Variants in PPM1H observed in about 807,000 individuals in gnomAD.
PPM1H encodes protein phosphatase 1H.
PPM1H carries 27 observed loss-of-function variants against 54.9 expected under a neutral mutation model. That is an observed-to-expected ratio of 0.49 (90% CI 0.36 to 0.68). The LOEUF (loss-of-function observed/expected upper bound fraction) is 0.68. Among genes scored for constraint, PPM1H ranks in the 30% least tolerant of loss-of-function variants. The probability of loss-of-function intolerance (pLI) is 0.00; values close to 1 mark genes in which losing one functional copy is unlikely to be tolerated. For missense variants in PPM1H, 596 were observed against 667.8 expected, an observed-to-expected ratio of 0.89 and a Z score of 1.19; for synonymous variants, 305 against 270.8, an observed-to-expected ratio of 1.13 and a Z score of -1.24.
At chr12:62,689,500 T>A (rs2076071773) in intron 8 of PPM1H, among the ~76,000 whole-genome samples, 199 bp downstream of exon 8, 1 of 152,174 alleles carries the variant, frequency 6.6e-6, no homozygotes, top group Non-Finnish European at 1.5e-5. Context: ...TGCAGCCATC[T>A]GGGTAAGAGG....
At chr12:62,923,039 G>A (rs1271316586) in intron 1 of PPM1H, among the ~76,000 whole-genome samples, 1 of 152,000 alleles carries the variant, frequency 6.6e-6, no homozygotes, top group Non-Finnish European at 1.5e-5. Context: ...TCAACTGAGT[G>A]AGCATTTGCA....
intron 4 of PPM1H, among the ~76,000 whole-genome samples, chr12:62,754,052 T>C (rs927224404): frequency 2.0e-5 from 3 of 152,020 alleles, no homozygotes; most frequent in African/African-American, 7.2e-5. Context: ...CTTGCTGCAA[T>C]AAAAGGGATC....
At chr12:62,697,220 A>G (rs2076119732) in intron 6 of PPM1H, among the ~76,000 whole-genome samples, 1 of 151,288 alleles carries the variant, frequency 6.6e-6, no homozygotes, top group Non-Finnish European at 1.5e-5. Flanking sequence ...TCTGCCTCCC[A>G]GGTCCAAGCG....
chr12:62,662,307 T>C (rs2075888855), intron 9 of PPM1H, among the ~76,000 whole-genome samples: 1 of 152,204 alleles, frequency 6.6e-6, no homozygotes, highest in South Asian at 2.1e-4. Context: ...AGAATGTTGC[T>C]AACAAGTGGG....
intron 6 of PPM1H, among the ~76,000 whole-genome samples, chr12:62,697,130 G>GTTTTTT (rs1204249538): frequency 7.7e-6 from 1 of 130,636 alleles, no homozygotes; most frequent in Non-Finnish European, 1.5e-5. Context: ...GATGGTCTGT[G>GTTTTTT]TTCTTTTTTT....
chr12:62,679,060 C>T (rs2076004006), intron 8 of PPM1H, among the ~76,000 whole-genome samples: 1 of 150,480 alleles, frequency 6.6e-6, no homozygotes, highest in Non-Finnish European at 1.5e-5. Context: ...GATCTCGGCT[C>T]ACTGCAACCT....
At chr12:62,670,824 G>A (rs748609452) in intron 8 of PPM1H, among the ~76,000 whole-genome samples, 20 of 152,180 alleles carry the variant, frequency 1.3e-4, no homozygotes, top group Non-Finnish European at 2.9e-4. Context: ...GGTCTGTGAA[G>A]CACTCCCCAA....
intron 1 of PPM1H, among the ~76,000 whole-genome samples, chr12:62,890,819 CTGTT>C (rs1870767819): frequency 6.6e-6 from 1 of 151,588 alleles, no homozygotes; most frequent in South Asian, 2.1e-4. Flanking sequence ...TAAGACTTGA[CTGTT>C]TGAAGGCCAG....
At chr12:62,764,696 G>A in intron 4 of PPM1H, among the ~76,000 whole-genome samples, 1 of 152,292 alleles carries the variant, frequency 6.6e-6, no homozygotes, top group South Asian at 2.1e-4. Flanking sequence ...AGCAGAGAGG[G>A]CAGTTTCTGC....
intron 4 of PPM1H, chr12:62,756,039 G>A: frequency 7.3e-7 from 1 of 1,375,940 alleles, no homozygotes; most frequent in South Asian, 1.2e-5. Context: ...CCCCCTCAAG[G>A]GCATCCTGGG....
chr12:62,766,591 G>A (rs1592588302), intron 4 of PPM1H, among the ~76,000 whole-genome samples: 1 of 152,036 alleles, frequency 6.6e-6, no homozygotes, highest in Admixed American at 6.5e-5. Context: ...CCTGCTCTCA[G>A]TCCCCAGGCT....
chr12:62,648,763 G>A lies in PPM1H; in HGVS notation c.1398-127C>T, dbSNP rs145938913. On this transcript the variant is annotated intron_variant, in intron 9 of 9. Transcript: ENST00000228705. ...TAAGTTTCAAATACACTTACAATAC[G>A]AAAAAGACAAGGTCATCTTTTCCCA... 184 of 1,057,874 alleles carry A rather than the reference G, an allele frequency of 1.7e-4. 2 individuals carry two copies. In the African/African-American group the frequency reaches 2.5e-3, roughly 14 times the overall value. The allele number at this position is 1,057,874 out of a possible 1,614,324, so 65.5% of individuals were successfully genotyped here.
At chr12:62,798,683 C>T (rs1287150670) in intron 3 of PPM1H, among the ~76,000 whole-genome samples, 1 of 152,188 alleles carries the variant, frequency 6.6e-6, no homozygotes, top group East Asian at 1.9e-4. Context: ...CACAGGGGCA[C>T]TCCAGCCTTC....
Position 62,782,570 on chromosome 12 carries a change from C to T in PPM1H, c.869+5656G>A, listed in dbSNP as rs545980727. On this transcript the variant is annotated intron_variant, in intron 4 of 9. Transcript: ENST00000228705. ...ACAATTCATGGAATGCTATTCACTC[C>T]GGTCCTAAAGAGCTAATGAATGACA... Among the ~76,000 whole-genome samples the T allele has an allele frequency of 5.3e-5, 8 of 152,222 alleles. No homozygotes were observed. The South Asian group carries it at 6.2e-4, about 12-fold the overall frequency.
chr12:62,861,156 C>T (rs1869587845), intron 1 of PPM1H, among the ~76,000 whole-genome samples: 1 of 152,226 alleles, frequency 6.6e-6, no homozygotes, highest in African/African-American at 2.4e-5. Context: ...TAAAATCCCA[C>T]TTGCTTCTTT....
intron 5 of PPM1H, among the ~76,000 whole-genome samples, chr12:62,731,276 T>C (rs571607304): frequency 2.0e-5 from 3 of 152,288 alleles, no homozygotes; most frequent in African/African-American, 7.2e-5. Flanking sequence ...GATTTTTTTA[T>C]GACTCAGACA....
intron 9 of PPM1H, among the ~76,000 whole-genome samples, chr12:62,655,052 G>A (rs181588199): frequency 6.6e-6 from 1 of 152,344 alleles, no homozygotes; most frequent in Admixed American, 6.5e-5. Flanking sequence ...ATAGGTGACA[G>A]TACGAATGCT....
chr12:62,905,727 C>T (rs953715411), intron 1 of PPM1H, among the ~76,000 whole-genome samples: 30 of 152,054 alleles, frequency 2.0e-4, no homozygotes, highest in African/African-American at 6.8e-4. Flanking sequence ...GAAAGAAAAT[C>T]GAAGTGTGTC....
At chr12:62,773,874 A>G (rs1401682160) in intron 4 of PPM1H, among the ~76,000 whole-genome samples, 1 of 152,164 alleles carries the variant, frequency 6.6e-6, no homozygotes, top group East Asian at 1.9e-4. Flanking sequence ...GTCCCACTGG[A>G]GCTGGCAACT....
Sources: gnomAD v4.1 joint callset for allele counts (sites outside exome capture counted in the v4.1 genomes callset) on GRCh38, gnomAD v4.1.1 for gene constraint, MANE v1.5 for transcripts, NCBI Gene and HGNC (gene_info 2026-07-23, HGNC 2026-07-21) for gene names.